ATF1: variants seen among roughly 807,000 people sequenced by gnomAD.
ATF1 encodes activating transcription factor 1.
Under a neutral mutation model 34.7 loss-of-function variants are expected in ATF1, and 16 were observed. The observed-to-expected ratio is 0.46, with a 90% CI of 0.31 to 0.70. The LOEUF is 0.70. Among genes scored for constraint, ATF1 ranks in the 30% least tolerant of loss-of-function variants. The probability of loss-of-function intolerance (pLI) is 0.05; values close to 1 mark genes in which losing one functional copy is unlikely to be tolerated. For missense variants in ATF1, 255 were observed against 321.6 expected, an observed-to-expected ratio of 0.79 and a Z score of 1.58; for synonymous variants, 105 against 113.1, an observed-to-expected ratio of 0.93 and a Z score of 0.46.
At chr12:50,800,916 A>G (rs1941499325) in intron 3 of ATF1, among the ~76,000 whole-genome samples, 1 of 152,126 alleles carries the variant, frequency 6.6e-6, no homozygotes, top group African/African-American at 2.4e-5. Flanking sequence ...CCTGACCAAC[A>G]TAGCAAAACC....
intron 2 of ATF1, among the ~76,000 whole-genome samples, chr12:50,780,984 A>C (rs1231987644): frequency 6.6e-6 from 1 of 152,082 alleles, no homozygotes; most frequent in Non-Finnish European, 1.5e-5. Flanking sequence ...ATAAAAAATA[A>C]AATAGAAAAA....
At chr12:50,799,592 G>C (rs1201626963) in intron 3 of ATF1, among the ~76,000 whole-genome samples, 1 of 152,168 alleles carries the variant, frequency 6.6e-6, no homozygotes, top group East Asian at 1.9e-4. Flanking sequence ...CTTTAAAGAA[G>C]CTATTATTAA....
chr12:50,777,296 G>A (rs1048717902), intron 1 of ATF1, among the ~76,000 whole-genome samples: 1 of 152,138 alleles, frequency 6.6e-6, no homozygotes, highest in African/African-American at 2.4e-5. Flanking sequence ...AAGACTAAAA[G>A]AAATTAGACA....
In ATF1 at chr12:50,819,895, C is replaced by G; in HGVS notation, c.*116C>G. The G allele has an allele frequency of 1.1e-6, 1 of 937,078 alleles. No individual in the cohort carries two copies. 58.0% of individuals were successfully genotyped at this position (937,078 alleles called of 1,614,324 possible). A position where few individuals can be genotyped will look rare whatever the true frequency, so the allele number is the denominator to read the frequency against. ...GCTTTTTATTTAGGCTTTTCCAAATCAAGGATAAATATCTTACGCACGATA... is the reference window on the plus strand; with the variant it reads ...GCTTTTTATTTAGGCTTTTCCAAATGAAGGATAAATATCTTACGCACGATA... On this transcript the variant is annotated 3_prime_UTR_variant, in exon 7 of 7. Transcript: ENST00000262053.
intron 1 of ATF1, among the ~76,000 whole-genome samples, chr12:50,777,729 C>T (rs543737947): frequency 5.1e-4 from 77 of 149,888 alleles, no homozygotes; most frequent in African/African-American, 1.9e-3. Context: ...TGCAGTGAGC[C>T]GAGGTTGCAC....
chr12:50,814,037 A>G lies in ATF1; in HGVS notation c.356A>G (p.Gln119Arg). ...GCCATTGCCCCAAATGGAGCCTTACAGTTGGCAAGTCCAGGCACAGATGGA... is the reference window on the plus strand; with the variant it reads ...GCCATTGCCCCAAATGGAGCCTTACGGTTGGCAAGTCCAGGCACAGATGGA... ...YIAIAPNGALQLASPGTDGVQ... is the reference protein window; with the variant it reads ...YIAIAPNGALRLASPGTDGVQ... The change falls in exon 5 of 7, where the codon CAG becomes CGG. Residue 119 changes from glutamine to arginine, a missense_variant. Around this residue, in one of 2 missense-constraint regions of ATF1, gnomAD observed 221 missense variants for 250.7 expected, o/e 0.88. Coordinates refer to ENST00000262053, the MANE Select transcript of ATF1 (RefSeq NM_005171.5). 1 of 1,613,754 alleles carries G rather than the reference A, an allele frequency of 6.2e-7. No individual in the cohort carries two copies.
At position 50,782,790 on chromosome 12, in the gene ATF1, A is replaced by C. The variant is rs187273622; in HGVS notation, c.93+2552A>C. ...CTGCAACCTCTGCCTCTTGGGTTCA[A>C]GTGATTCTCCTGCCTCACCCTCCCG... On this transcript the variant is annotated intron_variant, in intron 2 of 6. Transcript: ENST00000262053. 3.0e-3 allele frequency among the ~76,000 whole-genome samples: 454 copies of C among 149,124 alleles called. 2 individuals are homozygous for C. Among genetic ancestry groups the C allele is most frequent in the Non-Finnish European group, 5.1e-3 (345 of 67,250 alleles).
At chr12:50,769,887 G>A (rs1386810955) in intron 1 of ATF1, among the ~76,000 whole-genome samples, 1 of 152,114 alleles carries the variant, frequency 6.6e-6, no homozygotes, top group Non-Finnish European at 1.5e-5. Flanking sequence ...TTAGAATAGA[G>A]GAAACAACTT....
intron 1 of ATF1, among the ~76,000 whole-genome samples, chr12:50,768,011 T>TA (rs1160236369): frequency 6.6e-6 from 1 of 152,146 alleles, no homozygotes. Context: ...TAGCTGGGAT[T>TA]ACAGGTGTGT....
At chr12:50,814,621 C>T (rs1208398356) in intron 6 of ATF1, among the ~76,000 whole-genome samples, 182 bp downstream of exon 6, 1 of 152,076 alleles carries the variant, frequency 6.6e-6, no homozygotes, top group Non-Finnish European at 1.5e-5. Flanking sequence ...AAGTCCTGTG[C>T]TAATGTCATA....
At position 50,820,533 on chromosome 12, in the gene ATF1, TG is replaced by T. The variant is rs1435492572; in HGVS notation, c.*755del. The T allele has an allele frequency of 3.3e-5, 6 of 180,682 alleles. No homozygotes were observed. In the East Asian group the frequency reaches 4.6e-4, roughly 14 times the overall value. 11.2% of individuals were successfully genotyped at this position (180,682 alleles called of 1,614,324 possible). A position where few individuals can be genotyped will look rare whatever the true frequency, so the allele number is the denominator to read the frequency against. ...GATTTTCTACAAATACATAATAAAT[TG>T]TTTTTTTGAGTCTATATTCTGTATG... On this transcript the variant is annotated 3_prime_UTR_variant, in exon 7 of 7. Transcript: ENST00000262053.
chr12:50,780,183 C>G lies in ATF1; in HGVS notation c.38C>G (p.Ala13Gly). ...CACAAGAGTACCACGTCAGAGACAG[C>G]ACCTCAACCTGGTTCAGCAGTTCAG... Reference protein sequence around the residue: ...DSHKSTTSETAPQPGSAVQGA... With the variant: ...DSHKSTTSETGPQPGSAVQGA... Residue 13 changes from alanine to glycine, a missense_variant, in exon 2 of 7, where the codon GCA becomes GGA. Transcript: ENST00000262053. 2 of 1,613,888 alleles carry G rather than the reference C, an allele frequency of 1.2e-6. No individual in the cohort carries two copies. Among genetic ancestry groups the G allele is most frequent in the Non-Finnish European group, 1.7e-6 (2 of 1,179,876 alleles).
At chr12:50,763,552 C>A (rs1259957351), upstream of ATF1, among the ~76,000 whole-genome samples, 2 of 144,026 alleles carry the variant, frequency 1.4e-5, no homozygotes, top group Non-Finnish European at 3.0e-5. Context: ...GGGTTGGAGG[C>A]TGCAGTGAGT....
At chr12:50,773,470 G>A (rs1329469936) in intron 1 of ATF1, among the ~76,000 whole-genome samples, 3 of 95,558 alleles carry the variant, frequency 3.1e-5, no homozygotes. Flanking sequence ...TTTTTTTCGA[G>A]ACAAAGTCTC....
chr12:50,766,012 T>A (rs1592160867), intron 1 of ATF1, among the ~76,000 whole-genome samples: 1 of 152,322 alleles, frequency 6.6e-6, no homozygotes, highest in Middle Eastern at 3.4e-3. Flanking sequence ...ACTGTGGACT[T>A]GCCCTGAATT....
At chr12:50,772,649 G>T (rs1428203144) in intron 1 of ATF1, among the ~76,000 whole-genome samples, 1 of 151,384 alleles carries the variant, frequency 6.6e-6, no homozygotes. Context: ...TCTAAAGCTG[G>T]GGTGAGGTAA....
intron 1 of ATF1, among the ~76,000 whole-genome samples, chr12:50,777,433 A>G (rs562625987): frequency 6.6e-6 from 1 of 152,160 alleles, no homozygotes; most frequent in African/African-American, 2.4e-5. Context: ...AAGCGATTTC[A>G]TGCTTTTCTC....
At chr12:50,768,529 G>T (rs2139633582) in intron 1 of ATF1, among the ~76,000 whole-genome samples, 1 of 152,254 alleles carries the variant, frequency 6.6e-6, no homozygotes, top group African/African-American at 2.4e-5. Flanking sequence ...CCTGAAGCCG[G>T]TAATCCAATT....
At chr12:50,791,060 C>G (rs1404542729) in intron 2 of ATF1, among the ~76,000 whole-genome samples, 1 of 152,018 alleles carries the variant, frequency 6.6e-6, no homozygotes, top group Admixed American at 6.6e-5. Flanking sequence ...GGGACACAAC[C>G]TTGGCATGAC....
Sources: allele counts gnomAD v4.1 joint callset (sites outside exome capture counted in the v4.1 genomes callset), GRCh38; gene constraint gnomAD v4.1.1; regional missense constraint gnomAD v4.1.1; transcripts MANE v1.5; gene names NCBI Gene and HGNC (gene_info 2026-07-23, HGNC 2026-07-21).